Variants in CRIM1 observed in about 807,000 individuals in gnomAD.
CRIM1 encodes the protein cysteine-rich motor neuron 1 protein.
In CRIM1, 32 loss-of-function variants were observed where a neutral mutation model predicts 116.4. The observed-to-expected ratio is 0.27, with a 90% CI of 0.21 to 0.37. CRIM1 has a LOEUF of 0.37. Among genes scored for constraint, CRIM1 ranks in the 10% least tolerant of loss-of-function variants. The pLI is 1.00. For missense variants in CRIM1, 1,331 were observed against 1,354.8 expected (o/e 0.98, Z 0.28); for synonymous variants, 590 against 509.2 (o/e 1.16, Z -2.13).
At chr2:36,504,626 AT>A (rs1296681993) in intron 8 of CRIM1, among the ~76,000 whole-genome samples, 4 of 152,248 alleles carry the variant, frequency 2.6e-5, no homozygotes, top group South Asian at 4.1e-4. Context: ...CTTGTTTAGA[AT>A]AAAAAATGTT....
rs759869452 is a variant in CRIM1 at position 36,409,452 on chromosome 2, A to G, written c.505+12665A>G. 9.2e-5 allele frequency among the ~76,000 whole-genome samples: 14 copies of G among 152,360 alleles called. No individual in the cohort carries two copies. The East Asian group carries it at 2.1e-3, about 23-fold the overall frequency. On this transcript the variant is annotated intron_variant, in intron 2 of 16. Transcript: ENST00000280527. ...GAAGGAGCAAGGATTTCTGCAGTCA[A>G]TGATACCCCTTCCTGACTGAGCCCT...
chr2:36,388,731 C>T (rs541442869), intron 1 of CRIM1, among the ~76,000 whole-genome samples: 2 of 151,340 alleles, frequency 1.3e-5, no homozygotes, highest in East Asian at 2.0e-4. Flanking sequence ...AGTTGTGTCC[C>T]GTAGCCCCAA....
rs538381524 is a variant in CRIM1 at position 36,513,509 on chromosome 2, C to T, written c.1781-47C>T. On this transcript the variant is annotated intron_variant, in intron 10 of 16. Coordinates refer to ENST00000280527, the MANE Select transcript of CRIM1 (RefSeq NM_016441.3). Reference sequence around the variant, plus strand: ...TGTACAGACTCTGTAGCCTGTTTCTCCTGTGCAGTAGCCACTTCTTTACCA... The same window carrying T: ...TGTACAGACTCTGTAGCCTGTTTCTTCTGTGCAGTAGCCACTTCTTTACCA... 1.7e-5 allele frequency: 26 copies of T among 1,505,066 alleles called. No homozygotes were observed. The South Asian group carries it at 2.7e-4, about 16-fold the overall frequency. The allele number at this position is 1,505,066 out of a possible 1,614,324, so 93.2% of individuals were successfully genotyped here. A position where few individuals can be genotyped will look rare whatever the true frequency, so the allele number is the denominator to read the frequency against.
At chr2:36,397,257 T>C (rs1672095206) in intron 2 of CRIM1, among the ~76,000 whole-genome samples, 1 of 152,200 alleles carries the variant, frequency 6.6e-6, no homozygotes, top group East Asian at 1.9e-4. Flanking sequence ...AGGAATCACA[T>C]AGGGCGTGGA....
chr2:36,541,902 G>A (rs775386991), intron 14 of CRIM1, among the ~76,000 whole-genome samples: 17 of 152,310 alleles, frequency 1.1e-4, no homozygotes, highest in African/African-American at 2.6e-4. Context: ...GGGTCTAGGC[G>A]TGGAAACAAA....
intron 2 of CRIM1, among the ~76,000 whole-genome samples, chr2:36,434,823 TCTTG>T (rs1431091452): frequency 6.6e-6 from 1 of 152,190 alleles, no homozygotes; most frequent in Non-Finnish European, 1.5e-5. Context: ...GGCCCTTTCT[TCTTG>T]CTTTAGAGCC....
At chr2:36,474,500 G>A (rs1475323368) in intron 5 of CRIM1, among the ~76,000 whole-genome samples, 1 of 152,070 alleles carries the variant, frequency 6.6e-6, no homozygotes, top group African/African-American at 2.4e-5. Flanking sequence ...GTTAATTTTT[G>A]TATATGGTGT....
rs936537560 is a variant in CRIM1, at chr2:36,537,457, G to A, written c.2534G>A (p.Gly845Asp). 6.2e-7 allele frequency: 1 copy of A among 1,614,230 alleles called. No individual in the cohort carries two copies. Among genetic ancestry groups the A allele is most frequent in the African/African-American group, 1.3e-5 (1 of 75,070 alleles). Residue 845 changes from glycine to aspartate, a missense_variant, in exon 14 of 17, where the codon GGC becomes GAC. Transcript: ENST00000280527. ...TGCACCCACTGCTACTGCCTGCAGGGCCAGACCCTCTGCTCGACCGTCAGC... is the reference window on the plus strand; with the variant it reads ...TGCACCCACTGCTACTGCCTGCAGGACCAGACCCTCTGCTCGACCGTCAGC... ...DSCTHCYCLQ[G>D]QTLCSTVSCP...
intron 8 of CRIM1, among the ~76,000 whole-genome samples, chr2:36,505,990 A>G (rs959292318): frequency 6.6e-6 from 1 of 152,144 alleles, no homozygotes; most frequent in Admixed American, 6.6e-5. Context: ...TGTATTTTAT[A>G]AGAATTTGTA....
chr2:36,438,502 G>A lies in CRIM1; in HGVS notation c.506-2756G>A, dbSNP rs868020364. 2.0e-5 allele frequency among the ~76,000 whole-genome samples: 3 copies of A among 152,320 alleles called. No individual in the cohort carries two copies. In the South Asian group the frequency reaches 6.2e-4, roughly 32 times the overall value. On this transcript the variant is annotated intron_variant, in intron 2 of 16. Coordinates refer to ENST00000280527, the MANE Select transcript of CRIM1 (RefSeq NM_016441.3). ...CCTCCACACTGATGGGGCTCTGAGA[G>A]TGGAATTCCTTATTAGTTAATCATG...
chr2:36,360,420 C>CTTT (rs768764113), intron 1 of CRIM1, among the ~76,000 whole-genome samples: 4 of 152,214 alleles, frequency 2.6e-5, no homozygotes, highest in Non-Finnish European at 4.4e-5. Flanking sequence ...AGCATTCCAT[C>CTTT]TTTTTCACCA....
At chr2:36,465,674 T>C (rs545820236) in intron 5 of CRIM1, among the ~76,000 whole-genome samples, 1 of 152,240 alleles carries the variant, frequency 6.6e-6, no homozygotes, top group Admixed American at 6.5e-5. Context: ...CAGTATGGCT[T>C]TATGGTTAAG....
intron 7 of CRIM1, among the ~76,000 whole-genome samples, chr2:36,488,261 A>G (rs2125063999): frequency 6.6e-6 from 1 of 152,336 alleles, no homozygotes; most frequent in African/African-American, 2.4e-5. Context: ...TTAAAATCGT[A>G]GGACAGGTTC....
chr2:36,416,147 AC>A (rs1673602840), intron 2 of CRIM1, among the ~76,000 whole-genome samples: 1 of 152,076 alleles, frequency 6.6e-6, no homozygotes, highest in African/African-American at 2.4e-5. Flanking sequence ...GGTGGAGGTT[AC>A]AGTGAGCAGA....
rs536881654 is a variant in CRIM1 at position 36,422,260 on chromosome 2, A to T, written c.506-18998A>T. Among the ~76,000 whole-genome samples, 80 of 152,006 alleles carry T rather than the reference A, an allele frequency of 5.3e-4. 1 individual carries two copies. Among genetic ancestry groups the T allele is most frequent in the African/African-American group, 1.7e-3 (71 of 41,442 alleles). ...TCAATATAGTTAATGTTCTTTAATTAAAAAAAATCTTTAGGATACTTTAGT... is the reference window on the plus strand; with the variant it reads ...TCAATATAGTTAATGTTCTTTAATTTAAAAAAATCTTTAGGATACTTTAGT... On this transcript the variant is annotated intron_variant, in intron 2 of 16. Coordinates refer to ENST00000280527, the MANE Select transcript of CRIM1 (RefSeq NM_016441.3).
At chr2:36,470,355 T>C (rs921946114) in intron 5 of CRIM1, among the ~76,000 whole-genome samples, 2 of 152,150 alleles carry the variant, frequency 1.3e-5, no homozygotes, top group Non-Finnish European at 2.9e-5. Flanking sequence ...ACAACAGATA[T>C]TCAGTGTAGA....
rs1292460367 is a variant in CRIM1 at position 36,550,671 on chromosome 2, T to C, written c.*1970T>C. On this transcript the variant is annotated 3_prime_UTR_variant, in exon 17 of 17. Coordinates refer to ENST00000280527, the MANE Select transcript of CRIM1 (RefSeq NM_016441.3). ...GTTTGCATCAAAGGAAAAAAAGATT[T>C]ATTATCAAGGGGCAATATTTTTATC... The C allele has an allele frequency of 1.3e-5, 2 of 152,416 alleles. No homozygotes were observed. The highest frequency in any genetic ancestry group is 2.9e-5 in the Non-Finnish European group (2 of 67,930). 9.4% of individuals were successfully genotyped at this position (152,416 alleles called of 1,614,324 possible).
chr2:36,478,476 G>A (rs76869396), intron 6 of CRIM1, among the ~76,000 whole-genome samples: 2,333 of 152,286 alleles, frequency 0.015, 64 homozygotes, highest in African/African-American at 0.054. Flanking sequence ...CAGGCTCAAC[G>A]TAGAAAAATA....
At chr2:36,533,048 G>A (rs554125961) in intron 13 of CRIM1, among the ~76,000 whole-genome samples, 9 of 152,268 alleles carry the variant, frequency 5.9e-5, no homozygotes, top group African/African-American at 1.9e-4. Flanking sequence ...GATATTCCCA[G>A]TCTTTATTTC....
Sources: allele counts gnomAD v4.1 joint callset (sites outside exome capture counted in the v4.1 genomes callset), GRCh38; gene constraint gnomAD v4.1.1; transcripts MANE v1.5; gene names NCBI Gene and HGNC (gene_info 2026-07-23, HGNC 2026-07-21).